ZFAT: variants seen among roughly 807,000 people sequenced by gnomAD.
The protein encoded by ZFAT is zinc finger protein ZFAT.
A neutral mutation model predicts 117.7 loss-of-function variants in ZFAT; 64 were observed. The observed-to-expected ratio is 0.54, with a 90% confidence interval of 0.44 to 0.67. ZFAT has a LOEUF of 0.67. Ranked by LOEUF, ZFAT falls within the 30% of genes least tolerant of loss-of-function variation. The pLI is 0.00. For synonymous variants in ZFAT, 679 were observed against 615.0 expected (o/e 1.10, Z -1.54); for missense variants, 1,433 against 1,584.5 (o/e 0.90, Z 1.62).
the ZFAT span, among the ~76,000 whole-genome samples, chr8:134,757,357 A>C: frequency 1.3e-5 from 2 of 152,098 alleles, no homozygotes; most frequent in African/African-American, 4.8e-5. Flanking sequence ...GAAGCACTTA[A>C]GTAAACCTTC....
At chr8:134,584,879 T>C (rs1825960635) in intron 9 of ZFAT, among the ~76,000 whole-genome samples, 1 of 152,230 alleles carries the variant, frequency 6.6e-6, no homozygotes, top group African/African-American at 2.4e-5. Flanking sequence ...TCACCCATTA[T>C]CTACACTACC....
the ZFAT span, among the ~76,000 whole-genome samples, chr8:134,730,215 C>T: frequency 6.6e-6 from 1 of 152,242 alleles, no homozygotes. Flanking sequence ...GGGAGCAATG[C>T]CCCGGGCCCA....
At chr8:134,578,705 A>G (rs189840936) in intron 10 of ZFAT, among the ~76,000 whole-genome samples, 198 of 152,276 alleles carry the variant, frequency 1.3e-3, no homozygotes, top group African/African-American at 4.6e-3. Flanking sequence ...GAGGCAGGAG[A>G]TGACAGTGGC....
chr8:134,772,667 T>C, the ZFAT span, among the ~76,000 whole-genome samples: 1 of 152,232 alleles, frequency 6.6e-6, no homozygotes, highest in Non-Finnish European at 1.5e-5. Flanking sequence ...CTAAGATCAC[T>C]GATGAAAAGG....
At chr8:134,747,991 G>A in the ZFAT span, among the ~76,000 whole-genome samples, 117,954 of 152,158 alleles carry the variant, frequency 0.78, 45,829 homozygotes, top group African/African-American at 0.82. Flanking sequence ...TCAGCTAGTT[G>A]GATCTGTCCA....
chr8:134,563,321 C>A (rs1443868377), intron 11 of ZFAT, among the ~76,000 whole-genome samples: 2 of 152,194 alleles, frequency 1.3e-5, no homozygotes, highest in African/African-American at 4.8e-5. Context: ...CTGCCCCCAA[C>A]AAGTAACTGA....
At chr8:134,507,181 AT>A (rs1260880400) in intron 15 of ZFAT, among the ~76,000 whole-genome samples, 16 of 152,332 alleles carry the variant, frequency 1.1e-4, no homozygotes, top group African/African-American at 3.8e-4. Flanking sequence ...GACTGAAAAA[AT>A]CCTAAACCAG....
chr8:134,558,762 A>C (rs529223618), intron 11 of ZFAT, among the ~76,000 whole-genome samples: 2 of 152,298 alleles, frequency 1.3e-5, no homozygotes, highest in South Asian at 4.2e-4. Context: ...GGTACCATGT[A>C]CCATACTTAC....
intron 12 of ZFAT, among the ~76,000 whole-genome samples, chr8:134,523,015 T>G (rs924532461): frequency 1.3e-5 from 2 of 152,170 alleles, no homozygotes; most frequent in African/African-American, 4.8e-5. Context: ...CCCTCCGCCT[T>G]CCAAGACCCC....
intron 12 of ZFAT, among the ~76,000 whole-genome samples, chr8:134,524,606 TG>T (rs1820892621): frequency 6.6e-6 from 1 of 152,130 alleles, no homozygotes; most frequent in African/African-American, 2.4e-5. Context: ...GGGCATCCAG[TG>T]GGTAGAGGCC....
chr8:134,609,339 C>T (rs1828145233), intron 4 of ZFAT, among the ~76,000 whole-genome samples: 1 of 152,132 alleles, frequency 6.6e-6, no homozygotes, highest in Admixed American at 6.5e-5. Context: ...TATCAAAATA[C>T]TACCACTAAT....
At chr8:134,535,245 G>A (rs1279591681) in intron 11 of ZFAT, among the ~76,000 whole-genome samples, 2 of 152,162 alleles carry the variant, frequency 1.3e-5, no homozygotes, top group African/African-American at 2.4e-5. Context: ...TATATGTTTT[G>A]TTGGGTCCTC....
At chr8:134,590,667 C>T (rs565518577) in intron 7 of ZFAT, among the ~76,000 whole-genome samples, 65 of 150,304 alleles carry the variant, frequency 4.3e-4, no homozygotes, top group African/African-American at 1.2e-3. Flanking sequence ...ACCAACACCA[C>T]CACAACCAAC....
In ZFAT at chr8:134,629,214, T is replaced by C. The variant is rs147322391; in HGVS notation, c.448+8247A>G. On this transcript the variant is annotated intron_variant, in intron 3 of 15. Coordinates refer to ENST00000377838, the MANE Select transcript of ZFAT (RefSeq NM_020863.4). ...GGATGAAATAGAGGAGGATCATCAG[T>C]TGGGAGCTGGATGAGTTTCGGATTG... Among the ~76,000 whole-genome samples the C allele has an allele frequency of 4.0e-3, 602 of 152,202 alleles. 17 individuals carry two copies. The highest frequency in any genetic ancestry group is 0.036 in the Admixed American group (553 of 15,278).
At chr8:134,819,030 A>T in the ZFAT span, among the ~76,000 whole-genome samples, 1 of 152,350 alleles carries the variant, frequency 6.6e-6, no homozygotes, top group East Asian at 1.9e-4. Context: ...CAAACTGCAC[A>T]TTGTAATATA....
chr8:134,735,721 C>T, the ZFAT span, among the ~76,000 whole-genome samples: 2 of 152,118 alleles, frequency 1.3e-5, no homozygotes, highest in African/African-American at 4.8e-5. Context: ...AATTAAATCA[C>T]TCATGAGGCC....
chr8:134,521,327 C>T (rs1274048646), intron 12 of ZFAT, among the ~76,000 whole-genome samples: 1 of 151,066 alleles, frequency 6.6e-6, no homozygotes, highest in Non-Finnish European at 1.5e-5. Context: ...TGGCTTAAAT[C>T]ATTCTTTCAT....
At chr8:134,732,302 AG>A in the ZFAT span, among the ~76,000 whole-genome samples, 1 of 152,186 alleles carries the variant, frequency 6.6e-6, no homozygotes, top group African/African-American at 2.4e-5. Flanking sequence ...TCCTCACTGA[AG>A]CAAGCATAGT....
At chr8:134,582,577 G>T (rs1426749008) in intron 10 of ZFAT, among the ~76,000 whole-genome samples, 1 of 151,902 alleles carries the variant, frequency 6.6e-6, no homozygotes, top group African/African-American at 2.4e-5. Flanking sequence ...TACTGTCATT[G>T]TATTTTTAAT....
Sources: allele counts gnomAD v4.1 joint callset (sites outside exome capture counted in the v4.1 genomes callset), GRCh38; gene constraint gnomAD v4.1.1; transcripts MANE v1.5; gene names NCBI Gene and HGNC (gene_info 2026-07-23, HGNC 2026-07-21).